Variants in SPAG9 observed in about 807,000 individuals in gnomAD.
SPAG9 encodes sperm associated antigen 9.
Under a neutral mutation model 166.5 loss-of-function variants are expected in SPAG9, and 35 were observed. The ratio of observed to expected loss-of-function variants is 0.21; its 90% CI spans 0.16 to 0.28. The LOEUF is 0.28. Among genes scored for constraint, SPAG9 ranks in the 10% least tolerant of loss-of-function variants. The probability of loss-of-function intolerance (pLI) is 1.00; values close to 1 mark genes in which losing one functional copy is unlikely to be tolerated. For synonymous variants in SPAG9, 534 were observed against 565.5 expected (o/e 0.94, Z 0.79); for missense variants, 1,235 against 1,603.3 (o/e 0.77, Z 3.92).
At chr17:51,089,596 ATATG>A (rs1326798232) in intron 1 of SPAG9, among the ~76,000 whole-genome samples, 1 of 134,026 alleles carries the variant, frequency 7.5e-6, no homozygotes, top group Non-Finnish European at 1.6e-5. Flanking sequence ...TCTACTTATT[ATATG>A]TATATATATA....
In SPAG9 at chr17:50,987,097, AG is replaced by A; in HGVS notation, c.2939+14del. The stretch of plus-strand genomic sequence containing the variant: ...TAAAACAACATATTCTAATGTTAAA[AG>A]CATTGACACCTACCAGCCATTTTGA... On this transcript the variant is annotated intron_variant, in intron 22 of 29. Transcript: ENST00000262013. 6.3e-7 allele frequency: 1 copy of A among 1,594,372 alleles called. No homozygotes were observed. Among genetic ancestry groups the A allele is most frequent in the Non-Finnish European group, 8.5e-7 (1 of 1,174,424 alleles).
intron 1 of SPAG9, among the ~76,000 whole-genome samples, chr17:51,106,867 G>A (rs1331061665): frequency 1.3e-5 from 2 of 151,818 alleles, no homozygotes; most frequent in Non-Finnish European, 2.9e-5. Context: ...ACTTTGGGAG[G>A]CTGAAGTGTG....
At chr17:51,053,234 T>G (rs1319486004) in intron 3 of SPAG9, among the ~76,000 whole-genome samples, 1 of 150,978 alleles carries the variant, frequency 6.6e-6, no homozygotes, top group African/African-American at 2.4e-5. Flanking sequence ...ATTATAAATT[T>G]ATCAATTATA....
chr17:51,104,394 T>C (rs1453572930), intron 1 of SPAG9, among the ~76,000 whole-genome samples: 1 of 152,172 alleles, frequency 6.6e-6, no homozygotes, highest in Non-Finnish European at 1.5e-5. Flanking sequence ...TCTAGCACTT[T>C]GGGAGTCCAA....
intron 2 of SPAG9, among the ~76,000 whole-genome samples, chr17:51,060,592 G>C (rs2047483304): frequency 6.6e-6 from 1 of 151,356 alleles, no homozygotes; most frequent in African/African-American, 2.4e-5. Context: ...ATCCAACAGG[G>C]CTGGTATCCT....
chr17:51,103,793 T>C (rs2048869120), intron 1 of SPAG9, among the ~76,000 whole-genome samples: 2 of 152,164 alleles, frequency 1.3e-5, no homozygotes, highest in African/African-American at 2.4e-5. Flanking sequence ...GGGCGGTTTA[T>C]AGGTTGGCCA....
chr17:51,025,893 AAACGT>A (rs1188599288), intron 6 of SPAG9, among the ~76,000 whole-genome samples: 7 of 152,208 alleles, frequency 4.6e-5, no homozygotes, highest in African/African-American at 7.2e-5. Flanking sequence ...TAAAAGTTTC[AAACGT>A]AACACACATT....
rs2047264957 is a variant in SPAG9 at position 51,053,854 on chromosome 17, AGTATATATATATATATATAT to A, written c.495+2538_495+2557del. ...CCCTAATTAAAAAAAAAAAAAAAAA[AGTATATATATATATATATAT>A]ATATATATATATATATATATATATA... On this transcript the variant is annotated intron_variant, in intron 3 of 29. Coordinates refer to ENST00000262013, the MANE Select transcript of SPAG9 (RefSeq NM_001130528.3). Among the ~76,000 whole-genome samples, 32 of 34,448 alleles carry A rather than the reference AGTATATATATATATATATAT, an allele frequency of 9.3e-4. 1 individual carries two copies. Among genetic ancestry groups the A allele is most frequent in the African/African-American group, 1.3e-3 (8 of 6,238 alleles). 22.6% of individuals were successfully genotyped at this position (34,448 alleles called of 152,430 possible).
chr17:51,057,621 C>A (rs1204819979), intron 2 of SPAG9, among the ~76,000 whole-genome samples: 1 of 152,150 alleles, frequency 6.6e-6, no homozygotes, highest in Non-Finnish European at 1.5e-5. Context: ...CCTTTACTTG[C>A]CATAATTTGT....
At chr17:51,010,933 G>C (rs963911512) in intron 9 of SPAG9, among the ~76,000 whole-genome samples, 1 of 152,064 alleles carries the variant, frequency 6.6e-6, no homozygotes, top group Non-Finnish European at 1.5e-5. Flanking sequence ...GAGCAAACAT[G>C]ATTTCTTAAA....
At chr17:51,100,223 T>C (rs916381183) in intron 1 of SPAG9, among the ~76,000 whole-genome samples, 1 of 152,246 alleles carries the variant, frequency 6.6e-6, no homozygotes, top group African/African-American at 2.4e-5. Context: ...TTCTGTTTAA[T>C]TCCTGGCCCT....
rs1568044967 is a variant in SPAG9 at position 51,053,857 on chromosome 17, ATATATATATAT to A, written c.495+2544_495+2554del. ...TAATTAAAAAAAAAAAAAAAAAAGTATATATATATATATATATATATATATATATATATATA... is the reference window on the plus strand; with the variant it reads ...TAATTAAAAAAAAAAAAAAAAAAGTAATATATATATATATATATATATATA... On this transcript the variant is annotated intron_variant, in intron 3 of 29. Transcript: ENST00000262013. Among the ~76,000 whole-genome samples, 35 of 36,542 alleles carry A rather than the reference ATATATATATAT, an allele frequency of 9.6e-4. 2 individuals carry two copies. The highest frequency in any genetic ancestry group is 4.5e-3 in the African/African-American group (27 of 6,040). The allele number at this position is 36,542 out of a possible 152,430, so 24.0% of individuals were successfully genotyped here.
intron 3 of SPAG9, among the ~76,000 whole-genome samples, chr17:51,048,537 A>G (rs2047093745): frequency 6.6e-6 from 1 of 152,104 alleles, no homozygotes; most frequent in South Asian, 2.1e-4. Context: ...AAGTCACTAA[A>G]CTTTAGCTGT....
At chr17:50,977,982 T>G (rs1390743982) in intron 26 of SPAG9, among the ~76,000 whole-genome samples, 1 of 152,238 alleles carries the variant, frequency 6.6e-6, no homozygotes, top group Non-Finnish European at 1.5e-5. Context: ...ATAAAAATCT[T>G]TGTAAACAAA....
At position 50,964,238 on chromosome 17, in the gene SPAG9, T is replaced by C. The variant is rs1238906330; in HGVS notation, c.*2034A>G. The C allele has an allele frequency of 1.3e-5, 2 of 152,234 alleles. No homozygotes were observed. The highest frequency in any genetic ancestry group is 1.5e-5 in the Non-Finnish European group (1 of 68,036). 9.4% of individuals were successfully genotyped at this position (152,234 alleles called of 1,614,324 possible). A position where few individuals can be genotyped will look rare whatever the true frequency, so the allele number is the denominator to read the frequency against. On this transcript the variant is annotated 3_prime_UTR_variant, in exon 30 of 30. Transcript: ENST00000262013. ...TTCTTTTCAGTAGTCCTTCTGATGA[T>C]TGGGGGCCTTTATCCCATAGGTTTA... is the stretch of plus-strand genomic sequence containing the variant.
At chr17:51,045,586 T>C (rs957015569) in intron 4 of SPAG9, among the ~76,000 whole-genome samples, 6 of 151,918 alleles carry the variant, frequency 3.9e-5, no homozygotes, top group South Asian at 2.1e-4. Flanking sequence ...ACAATTAGGG[T>C]TTAAATATTT....
intron 1 of SPAG9, among the ~76,000 whole-genome samples, chr17:51,106,347 A>G (rs1277832645): frequency 6.6e-6 from 1 of 152,064 alleles, no homozygotes; most frequent in African/African-American, 2.4e-5. Flanking sequence ...TTTAAGTAAA[A>G]TAAAGTACCT....
intron 21 of SPAG9, among the ~76,000 whole-genome samples, chr17:50,987,949 C>T (rs1420608229): frequency 6.6e-6 from 1 of 152,206 alleles, no homozygotes; most frequent in Non-Finnish European, 1.5e-5. Flanking sequence ...GGTGCGGTGG[C>T]TCACGCCTAT....
chr17:50,962,874 A>G lies in SPAG9; in HGVS notation c.*3398T>C, dbSNP rs530342987. ...TTTTAACCTTTTCTATGCAAACACAATCTGAAAAGTTATGTGCTGCATATT... is the reference window on the plus strand; with the variant it reads ...TTTTAACCTTTTCTATGCAAACACAGTCTGAAAAGTTATGTGCTGCATATT... On this transcript the variant is annotated 3_prime_UTR_variant, in exon 30 of 30. Coordinates refer to ENST00000262013, the MANE Select transcript of SPAG9 (RefSeq NM_001130528.3). The G allele has an allele frequency of 6.6e-6, 1 of 152,354 alleles. No homozygotes were observed. The highest frequency in any genetic ancestry group is 2.1e-4 in the South Asian group (1 of 4,830). The allele number at this position is 152,354 out of a possible 1,614,324, so 9.4% of individuals were successfully genotyped here.
Sources: allele counts gnomAD v4.1 joint callset (sites outside exome capture counted in the v4.1 genomes callset), GRCh38; gene constraint gnomAD v4.1.1; transcripts MANE v1.5; gene names NCBI Gene and HGNC (gene_info 2026-07-23, HGNC 2026-07-21).